The following VPS41 variants were observed in gnomAD, a reference collection of about 807,000 sequenced individuals.
VPS41 encodes the protein VPS41 subunit of HOPS complex, also known as vacuolar protein sorting-associated protein 41 homolog.
Under a neutral mutation model 130.9 loss-of-function variants are expected in VPS41, and 85 were observed. That is an observed-to-expected ratio of 0.65 (90% CI 0.55 to 0.78). VPS41 has a LOEUF of 0.78. VPS41 is among the 30% of genes least tolerant of loss of function. The probability of loss-of-function intolerance (pLI) is 0.00; values close to 1 mark genes in which losing one functional copy is unlikely to be tolerated. For missense variants in VPS41, 874 were observed against 1,018.7 expected (o/e 0.86, Z 1.93); for synonymous variants, 335 against 332.9 (o/e 1.01, Z -0.07).
chr7:38,763,519 T>A lies in VPS41; in HGVS notation c.1358A>T (p.Asp453Val). 6.2e-7 allele frequency: 1 copy of A among 1,608,676 alleles called. No individual in the cohort carries two copies. Among genetic ancestry groups the A allele is most frequent in the South Asian group, 1.1e-5 (1 of 90,118 alleles). Residue 453 changes from aspartate to valine, a missense_variant, in exon 17 of 29, where the codon GAT (aspartate) becomes GTT (valine). By Grantham distance (152) the Asp-to-Val change is radical. Transcript: ENST00000310301. ...ATAGATGAGTGGTTTCAGAACTGGA[T>A]CACCTCTTGGCAAATAAGGACTAAT... ...KAISPYLPRG[D>V]PVLKPLIYEM...
At chr7:38,739,484 C>T (rs1206143480) in intron 25 of VPS41, among the ~76,000 whole-genome samples, 3 of 152,052 alleles carry the variant, frequency 2.0e-5, no homozygotes, top group African/African-American at 7.2e-5. Context: ...TACAGTGAAC[C>T]CTAATAGGTT....
chr7:38,897,940 G>T, intron 2 of VPS41, 151 bp downstream of exon 2: 1 of 508,714 alleles, frequency 2.0e-6, no homozygotes, highest in Non-Finnish European at 3.5e-6. Flanking sequence ...AAGATAGCTG[G>T]CATATTAAAA....
At chr7:38,756,213 TACACACAC>T (rs3839727) in intron 19 of VPS41, among the ~76,000 whole-genome samples, 368 of 146,568 alleles carry the variant, frequency 2.5e-3, no homozygotes, top group Middle Eastern at 6.9e-3. Context: ...AGATTTCTTT[TACACACAC>T]ACACACACAC....
chr7:38,795,334 G>A, intron 9 of VPS41, 131 bp downstream of exon 9: 1 of 611,778 alleles, frequency 1.6e-6, no homozygotes. Context: ...GCATTAAATG[G>A]TAATCACGTC....
intron 16 of VPS41, among the ~76,000 whole-genome samples, chr7:38,764,610 T>C (rs904075375): frequency 2.0e-5 from 3 of 151,262 alleles, no homozygotes; most frequent in Non-Finnish European, 2.9e-5. Flanking sequence ...AGAGCCCCGA[T>C]TGGTATTGAC....
intron 5 of VPS41, among the ~76,000 whole-genome samples, chr7:38,826,934 T>G (rs1304882781): frequency 2.0e-5 from 3 of 152,132 alleles, no homozygotes; most frequent in Admixed American, 6.5e-5. Context: ...TTCTCCTGCC[T>G]CAGCCTCCCG....
intron 25 of VPS41, among the ~76,000 whole-genome samples, chr7:38,740,018 G>A (rs933112704): frequency 1.3e-5 from 2 of 152,180 alleles, no homozygotes; most frequent in South Asian, 2.1e-4. Context: ...TCACAGTGGT[G>A]CCCATGAGCT....
At chr7:38,853,918 C>G (rs1420896299) in intron 4 of VPS41, among the ~76,000 whole-genome samples, 1 of 152,194 alleles carries the variant, frequency 6.6e-6, no homozygotes, top group Non-Finnish European at 1.5e-5. Context: ...AAGAGAGAAG[C>G]ATCCTTAATT....
intron 25 of VPS41, among the ~76,000 whole-genome samples, chr7:38,734,518 G>A (rs537406051): frequency 4.5e-4 from 68 of 152,248 alleles, no homozygotes; most frequent in African/African-American, 1.5e-3. Flanking sequence ...AAATCAACAT[G>A]AGAACTTAGA....
At chr7:38,771,305 A>C in intron 13 of VPS41, 51 bp from the exon 14 acceptor site, 1 of 1,342,092 alleles carries the variant, frequency 7.5e-7, no homozygotes, top group Non-Finnish European at 1.0e-6. Flanking sequence ...GCAGAAAAGG[A>C]GGGAGGGAAA....
At chr7:38,728,484 T>G (rs1584358284) in intron 27 of VPS41, 58 bp downstream of exon 27, 2 of 1,595,542 alleles carry the variant, frequency 1.3e-6, no homozygotes, top group Non-Finnish European at 1.7e-6. Flanking sequence ...TCCAAAATTT[T>G]GATTCCACTC....
intron 16 of VPS41, 91 bp from the exon 17 acceptor site, chr7:38,763,638 A>C: frequency 1.2e-6 from 1 of 805,426 alleles, no homozygotes; most frequent in East Asian, 2.7e-5. Flanking sequence ...GTATATTTTT[A>C]CTTTAAAAAT....
Position 38,821,268 on chromosome 7 carries a change from A to T in VPS41, c.322-3T>A. 1 of 1,612,588 alleles carries T rather than the reference A, an allele frequency of 6.2e-7. No individual in the cohort carries two copies. The highest frequency in any genetic ancestry group is 8.5e-7 in the Non-Finnish European group (1 of 1,178,810). On this transcript the variant is annotated splice_polypyrimidine_tract_variant and splice_region_variant and intron_variant, in intron 5 of 28. Coordinates refer to ENST00000310301, the MANE Select transcript of VPS41 (RefSeq NM_014396.4). ...GAATACAGTCCAAATACCTGCACCT[A>T]CAAAGAAAATGGATTGTATCAGCTC... is the stretch of plus-strand genomic sequence containing the variant.
chr7:38,813,440 G>A (rs1402907359), intron 7 of VPS41, among the ~76,000 whole-genome samples: 1 of 152,076 alleles, frequency 6.6e-6, no homozygotes, highest in Non-Finnish European at 1.5e-5. Flanking sequence ...TCTAAAATTA[G>A]CTTACGTTGA....
intron 11 of VPS41, among the ~76,000 whole-genome samples, chr7:38,776,092 A>G (rs971435223): frequency 2.0e-5 from 3 of 152,156 alleles, no homozygotes; most frequent in African/African-American, 7.2e-5. Flanking sequence ...GCAATATATA[A>G]GCTTCTTCCA....
chr7:38,774,721 T>C (rs1784225014), intron 11 of VPS41, among the ~76,000 whole-genome samples: 1 of 152,166 alleles, frequency 6.6e-6, no homozygotes, highest in African/African-American at 2.4e-5. Flanking sequence ...ATCAGCAATG[T>C]GAATCTCATT....
At chr7:38,748,300 G>A (rs915412168) in intron 22 of VPS41, among the ~76,000 whole-genome samples, 1 of 152,126 alleles carries the variant, frequency 6.6e-6, no homozygotes, top group Non-Finnish European at 1.5e-5. Context: ...AGTAAAAAAT[G>A]ATGCAAAAAT....
At chr7:38,748,237 G>A (rs972692017) in intron 22 of VPS41, among the ~76,000 whole-genome samples, 5 of 152,084 alleles carry the variant, frequency 3.3e-5, no homozygotes, top group African/African-American at 7.2e-5. Flanking sequence ...GCACACACAC[G>A]CGGACAATGC....
chr7:38,741,496 G>T (rs768514309), intron 25 of VPS41: 49 of 198,668 alleles, frequency 2.5e-4, no homozygotes, highest in Non-Finnish European at 5.0e-4. Context: ...CAGACAAAAG[G>T]TTAAATAAAA....
Sources: allele counts gnomAD v4.1 joint callset (sites outside exome capture counted in the v4.1 genomes callset), GRCh38; gene constraint gnomAD v4.1.1; transcripts MANE v1.5; gene names NCBI Gene and HGNC (gene_info 2026-07-23, HGNC 2026-07-21).